The following VWA3B variants were observed in gnomAD, a reference collection of about 807,000 sequenced individuals.
VWA3B encodes von Willebrand factor A domain containing 3B.
A neutral mutation model predicts 158.3 loss-of-function variants in VWA3B; 138 were observed. The observed-to-expected ratio is 0.87, with a 90% CI of 0.76 to 1.00. VWA3B has a LOEUF of 1.00. VWA3B is among the 50% of genes least tolerant of loss of function. The pLI is 0.00. For missense variants in VWA3B, 1,555 were observed against 1,565.1 expected (o/e 0.99, Z 0.11); for synonymous variants, 596 against 587.3 (o/e 1.01, Z -0.21).
chr2:98,209,321 C>A (rs1368842440), intron 12 of VWA3B, among the ~76,000 whole-genome samples: 2 of 151,992 alleles, frequency 1.3e-5, no homozygotes, highest in African/African-American at 4.8e-5. Context: ...TGTACTGTCG[C>A]CCAGGCTAGA....
At chr2:98,230,376 A>G (rs1685255028) in intron 16 of VWA3B, among the ~76,000 whole-genome samples, 169 bp downstream of exon 16, 1 of 152,236 alleles carries the variant, frequency 6.6e-6, no homozygotes, top group African/African-American at 2.4e-5. Flanking sequence ...ATATATACCT[A>G]CGCTTCATCC....
At chr2:98,275,537 A>C (rs1305535093) in intron 22 of VWA3B, among the ~76,000 whole-genome samples, 1 of 152,244 alleles carries the variant, frequency 6.6e-6, no homozygotes, top group Non-Finnish European at 1.5e-5. Flanking sequence ...GGAAGATGGC[A>C]GTGCTGAGAT....
At chr2:98,275,378 G>A (rs768027452) in intron 22 of VWA3B, among the ~76,000 whole-genome samples, 3 of 152,196 alleles carry the variant, frequency 2.0e-5, no homozygotes, top group Non-Finnish European at 4.4e-5. Flanking sequence ...AGAGGCCAGA[G>A]TTAAGGAGAT....
At chr2:98,245,462 T>A (rs1200594510) in intron 19 of VWA3B, 6 of 428,526 alleles carry the variant, frequency 1.4e-5, no homozygotes, top group African/African-American at 1.2e-4. Context: ...ACTCGAAGTG[T>A]GGGGTATGAC....
intron 7 of VWA3B, among the ~76,000 whole-genome samples, chr2:98,157,659 A>T (rs1449243489): frequency 6.6e-6 from 1 of 152,204 alleles, no homozygotes; most frequent in Admixed American, 6.5e-5. Flanking sequence ...CTGCCTTTTC[A>T]TAGTTATATT....
chr2:98,203,117 C>A (rs1056352641), intron 12 of VWA3B, among the ~76,000 whole-genome samples: 2 of 152,212 alleles, frequency 1.3e-5, no homozygotes, highest in African/African-American at 2.4e-5. Context: ...AGGCGTGAGC[C>A]ACCACACCCG....
intron 5 of VWA3B, among the ~76,000 whole-genome samples, chr2:98,123,238 A>G (rs1366297641): frequency 3.3e-5 from 5 of 152,230 alleles, no homozygotes; most frequent in Admixed American, 6.5e-5. Flanking sequence ...TGAGCAGCTA[A>G]TATAAACACC....
chr2:98,129,284 G>C (rs557188689), intron 6 of VWA3B, among the ~76,000 whole-genome samples: 2 of 149,872 alleles, frequency 1.3e-5, no homozygotes, highest in African/African-American at 4.9e-5. Context: ...AGAGAGAGGA[G>C]AGAGAGGAGA....
chr2:98,325,580 T>C, the VWA3B span, among the ~76,000 whole-genome samples: 3 of 152,192 alleles, frequency 2.0e-5, no homozygotes, highest in African/African-American at 7.2e-5. Context: ...AAATCGTATC[T>C]TAAGGTTGAG....
intron 13 of VWA3B, among the ~76,000 whole-genome samples, chr2:98,213,498 G>A (rs994493481): frequency 5.9e-5 from 9 of 152,188 alleles, no homozygotes; most frequent in Admixed American, 1.3e-4. Context: ...GACGTGAGCC[G>A]CAGGAAGCAG....
intron 16 of VWA3B, 130 bp from the exon 17 acceptor site, chr2:98,234,518 C>G (rs1574155042): frequency 3.0e-6 from 4 of 1,354,144 alleles, no homozygotes. Flanking sequence ...TTTGTGGCAG[C>G]ACCATCCTCA....
In VWA3B at chr2:98,135,325, CTTTTTTT is replaced by C. The variant is rs397873615; in HGVS notation, c.988+1408_988+1414del. On this transcript the variant is annotated intron_variant, in intron 7 of 27. Coordinates refer to ENST00000477737, the MANE Select transcript of VWA3B (RefSeq NM_144992.5). ...GCAAATTACATACAAAAACATTTTT[CTTTTTTT>C]TTTTTTTTTTTTTTTTTTTTTGAGA... Among the ~76,000 whole-genome samples the C allele has an allele frequency of 2.7e-4, 26 of 96,418 alleles. No homozygotes were observed. In the East Asian group the frequency reaches 3.6e-3, roughly 13 times the overall value. 63.3% of individuals were successfully genotyped at this position (96,418 alleles called of 152,430 possible). A position where few individuals can be genotyped will look rare whatever the true frequency, so the allele number is the denominator to read the frequency against.
At chr2:98,141,167 CCTTTTTGCTTCAGAAT>C (rs958010367) in intron 7 of VWA3B, among the ~76,000 whole-genome samples, 28 of 152,312 alleles carry the variant, frequency 1.8e-4, no homozygotes, top group African/African-American at 6.5e-4. Flanking sequence ...CTGAAGGAGA[CCTTTTTGCTTCAGAAT>C]CTGAAACAGA....
At chr2:98,232,812 C>T (rs1290619645) in intron 16 of VWA3B, among the ~76,000 whole-genome samples, 1 of 151,982 alleles carries the variant, frequency 6.6e-6, no homozygotes, top group Non-Finnish European at 1.5e-5. Flanking sequence ...CCTACTGGTC[C>T]CTGCTGGTGC....
chr2:98,110,504 A>C (rs1674057268), intron 2 of VWA3B, among the ~76,000 whole-genome samples: 1 of 151,932 alleles, frequency 6.6e-6, no homozygotes, highest in African/African-American at 2.4e-5. Context: ...CTTGGTGTTG[A>C]TATTGTCAGT....
chr2:98,228,711 C>T (rs1219606206), intron 15 of VWA3B, among the ~76,000 whole-genome samples: 3 of 152,176 alleles, frequency 2.0e-5, no homozygotes, highest in African/African-American at 7.2e-5. Flanking sequence ...CTCCACGCCT[C>T]TCCATTGCGT....
chr2:98,143,871 C>T (rs186367424), intron 7 of VWA3B, among the ~76,000 whole-genome samples: 7 of 151,938 alleles, frequency 4.6e-5, no homozygotes, highest in Non-Finnish European at 7.4e-5. Context: ...CCCTCTCAGC[C>T]TCCCGAGTAG....
rs1360472106 is a variant in VWA3B, at chr2:98,162,846, T to C, written c.989-5T>C. The C allele has an allele frequency of 1.2e-6, 2 of 1,613,300 alleles. No homozygotes were observed. The highest frequency in any genetic ancestry group is 2.2e-5 in the South Asian group (2 of 91,038). ...CGGCCGCTCATGCTGTGTCTCCCCT[T>C]TTAGGAGCTGGAGTCAGAGAGGACG... On this transcript the variant is annotated splice_polypyrimidine_tract_variant and splice_region_variant and intron_variant, in intron 7 of 27. Transcript: ENST00000477737.
intron 21 of VWA3B, among the ~76,000 whole-genome samples, chr2:98,265,788 T>C (rs1477644247): frequency 8.2e-6 from 1 of 121,260 alleles, no homozygotes; most frequent in East Asian, 2.7e-4. Context: ...ATTTCTCTGA[T>C]GGCCAGTGAT....
Sources: allele counts gnomAD v4.1 joint callset (sites outside exome capture counted in the v4.1 genomes callset), GRCh38; gene constraint gnomAD v4.1.1; transcripts MANE v1.5; gene names NCBI Gene and HGNC (gene_info 2026-07-23, HGNC 2026-07-21).